MYO5A: variants seen among roughly 807,000 people sequenced by gnomAD.
MYO5A encodes unconventional myosin-Va.
In MYO5A, 98 loss-of-function variants were observed where a neutral mutation model predicts 249.7. The ratio of observed to expected loss-of-function variants is 0.39; its 90% confidence interval spans 0.33 to 0.46. The LOEUF is 0.46. Ranked by LOEUF, MYO5A falls within the 20% of genes least tolerant of loss-of-function variation. The pLI, the probability that MYO5A is intolerant of heterozygous loss-of-function variation, is 0.98. For missense variants in MYO5A, 1,696 were observed against 2,308.8 expected (o/e 0.73, Z 5.44); for synonymous variants, 778 against 810.6 (o/e 0.96, Z 0.68).
intron 34 of MYO5A, among the ~76,000 whole-genome samples, chr15:52,333,459 A>G (rs1305404224): frequency 6.6e-6 from 1 of 152,196 alleles, no homozygotes; most frequent in Non-Finnish European, 1.5e-5. Flanking sequence ...AGTGGCCCTT[A>G]GAAGGTATGT....
chr15:52,484,102 T>C (rs996807019), intron 1 of MYO5A, among the ~76,000 whole-genome samples: 1 of 152,204 alleles, frequency 6.6e-6, no homozygotes, highest in Non-Finnish European at 1.5e-5. Context: ...GAAAAGTAAC[T>C]AATCTTAGGA....
At chr15:52,362,100 G>A (rs538366880) in intron 24 of MYO5A, among the ~76,000 whole-genome samples, 23 of 152,248 alleles carry the variant, frequency 1.5e-4, no homozygotes, top group South Asian at 4.1e-4. Context: ...CTGGACAACC[G>A]AATGTTCTTG....
intron 40 of MYO5A, among the ~76,000 whole-genome samples, chr15:52,315,987 C>G (rs193245824): frequency 1.3e-5 from 2 of 152,046 alleles, no homozygotes; most frequent in East Asian, 3.9e-4. Context: ...GTAATCCCAA[C>G]ACTTTGGGAG....
chr15:52,472,196 A>T (rs1340580523), intron 1 of MYO5A, among the ~76,000 whole-genome samples: 5 of 151,470 alleles, frequency 3.3e-5, no homozygotes, highest in Non-Finnish European at 5.9e-5. Context: ...CTTCTGCCTC[A>T]GCCGCCCAAG....
chr15:52,471,022 CAAA>C (rs55650927), intron 1 of MYO5A, among the ~76,000 whole-genome samples: 255 of 132,950 alleles, frequency 1.9e-3, no homozygotes, highest in Middle Eastern at 3.9e-3. Flanking sequence ...GACTCCATCT[CAAA>C]AAAAAAAAAA....
intron 25 of MYO5A, among the ~76,000 whole-genome samples, chr15:52,355,241 C>T (rs1567046741): frequency 1.3e-5 from 2 of 152,182 alleles, no homozygotes; most frequent in Non-Finnish European, 2.9e-5. Context: ...ACAGTCAGCC[C>T]TCCATATCCT....
intron 1 of MYO5A, among the ~76,000 whole-genome samples, chr15:52,434,234 GT>G (rs936841738): frequency 4.6e-5 from 7 of 151,592 alleles, no homozygotes; most frequent in African/African-American, 1.7e-4. Context: ...CCCTGACCTC[GT>G]GACCCACCTG....
At chr15:52,451,304 G>T (rs1329235305) in intron 1 of MYO5A, among the ~76,000 whole-genome samples, 1 of 151,828 alleles carries the variant, frequency 6.6e-6, no homozygotes, top group Non-Finnish European at 1.5e-5. Context: ...ACTAAATTTT[G>T]TCCCCCTCTC....
intron 1 of MYO5A, among the ~76,000 whole-genome samples, chr15:52,485,691 T>C (rs569090568): frequency 5.9e-5 from 9 of 152,330 alleles, no homozygotes; most frequent in African/African-American, 1.4e-4. Context: ...GGGTTTTACA[T>C]AGACTGTTAA....
Position 52,310,237 on chromosome 15 carries a change from C to T in MYO5A, c.*3459G>A, listed in dbSNP as rs1567006278. The T allele has an allele frequency of 6.6e-6, 1 of 152,182 alleles. No individual in the cohort carries two copies. Among genetic ancestry groups the T allele is most frequent in the Non-Finnish European group, 1.5e-5 (1 of 68,036 alleles). The allele number at this position is 152,182 out of a possible 1,614,324, so 9.4% of individuals were successfully genotyped here. On this transcript the variant is annotated 3_prime_UTR_variant, in exon 42 of 42. Transcript: ENST00000399233. ...GATATGTGGAAATTTTTTAAACTTC[C>T]AAAGGAATTAGAAGCTACACTTTGT...
At chr15:52,363,183 C>T (rs1412978628) in intron 24 of MYO5A, among the ~76,000 whole-genome samples, 21 of 152,100 alleles carry the variant, frequency 1.4e-4, no homozygotes, top group Admixed American at 1.4e-3. Context: ...TGAACAAAAA[C>T]ACACCAAAGA....
chr15:52,470,768 A>G (rs1951678438), intron 1 of MYO5A, among the ~76,000 whole-genome samples: 1 of 152,190 alleles, frequency 6.6e-6, no homozygotes, highest in Non-Finnish European at 1.5e-5. Flanking sequence ...CACATCGGTA[A>G]TCCCAGCACT....
chr15:52,508,442 C>T (rs2141609915), intron 1 of MYO5A, among the ~76,000 whole-genome samples: 1 of 149,940 alleles, frequency 6.7e-6, no homozygotes, highest in East Asian at 1.9e-4. Flanking sequence ...GGCATCACAA[C>T]ACACAATGTA....
intron 12 of MYO5A, among the ~76,000 whole-genome samples, chr15:52,390,021 T>C (rs978429050): frequency 6.6e-6 from 1 of 152,172 alleles, no homozygotes; most frequent in Non-Finnish European, 1.5e-5. Context: ...TGTACGTTTT[T>C]AAAATTCTGT....
At chr15:52,441,727 T>A (rs2075789675) in intron 1 of MYO5A, among the ~76,000 whole-genome samples, 1 of 152,176 alleles carries the variant, frequency 6.6e-6, no homozygotes, top group East Asian at 1.9e-4. Flanking sequence ...ATTCTCAACA[T>A]CTCTATTACC....
At chr15:52,478,145 G>C (rs2076637692) in intron 1 of MYO5A, among the ~76,000 whole-genome samples, 1 of 152,212 alleles carries the variant, frequency 6.6e-6, no homozygotes, top group East Asian at 1.9e-4. Context: ...CTGCCACCTT[G>C]CAGTTCAATC....
intron 1 of MYO5A, among the ~76,000 whole-genome samples, chr15:52,450,830 T>C (rs949181120): frequency 2.0e-5 from 3 of 148,142 alleles, no homozygotes; most frequent in Admixed American, 1.4e-4. Flanking sequence ...TATGATTAGA[T>C]TGCACTACTG....
chr15:52,488,429 A>G (rs2076868474), intron 1 of MYO5A, among the ~76,000 whole-genome samples: 2 of 152,260 alleles, frequency 1.3e-5, no homozygotes, highest in African/African-American at 4.8e-5. Flanking sequence ...ACACATGATC[A>G]AATACATTCT....
In MYO5A at chr15:52,483,565, C is replaced by T. The variant is rs147660218; in HGVS notation, c.27+45215G>A. On this transcript the variant is annotated intron_variant, in intron 1 of 41. Coordinates refer to ENST00000399233, the MANE Select transcript of MYO5A (RefSeq NM_001382347.1). The stretch of plus-strand genomic sequence containing the variant: ...ACAAAAAACTATGGGTGCAAGGACA[C>T]GCCTAGAAATTTCTAAAAAACCCAT... 2.8e-4 allele frequency among the ~76,000 whole-genome samples: 43 copies of T among 152,190 alleles called. 1 individual carries two copies. The South Asian group carries it at 4.4e-3, about 15-fold the overall frequency.
Sources: allele counts gnomAD v4.1 joint callset (sites outside exome capture counted in the v4.1 genomes callset), GRCh38; gene constraint gnomAD v4.1.1; transcripts MANE v1.5; gene names NCBI Gene and HGNC (gene_info 2026-07-23, HGNC 2026-07-21).